Variants in SKI observed in about 807,000 individuals in gnomAD.
The protein encoded by SKI is ski oncogene.
In SKI, 23 loss-of-function variants were observed where a neutral mutation model predicts 59.3. That is an observed-to-expected ratio of 0.39 (90% CI 0.28 to 0.55). The LOEUF (loss-of-function observed/expected upper bound fraction) is 0.55, where lower values mean the gene tolerates loss of function less well. Among genes scored for constraint, SKI ranks in the 20% least tolerant of loss-of-function variants. SKI has a pLI of 0.67. For missense variants in SKI, 1,017 were observed against 1,038.9 expected, an observed-to-expected ratio of 0.98 and a Z score of 0.29; for synonymous variants, 673 against 488.6, an observed-to-expected ratio of 1.38 and a Z score of -4.98.
chr1:2,297,694 G>A (rs1003375896), intron 1 of SKI, among the ~76,000 whole-genome samples: 8 of 152,266 alleles, frequency 5.3e-5, no homozygotes, highest in Admixed American at 2.0e-4. Flanking sequence ...CTGCGAGGCA[G>A]CATCTGCGTC....
In SKI at chr1:2,229,853, C is replaced by T; in HGVS notation, c.969+118C>T. 2.0e-6 allele frequency: 3 copies of T among 1,505,696 alleles called. No homozygotes were observed. Among genetic ancestry groups the T allele is most frequent in the African/African-American group, 1.4e-5 (1 of 71,618 alleles). The allele number at this position is 1,505,696 out of a possible 1,614,324, so 93.3% of individuals were successfully genotyped here. ...TGTGCTTCTGCCGTGCCCCATGTCT[C>T]CAGTCTTCGCTTTGTTTTAGGGAAA... On this transcript the variant is annotated intron_variant, in intron 1 of 6. Transcript: ENST00000378536. The surrounding 1 kb of genome is among the most constrained non-coding windows in gnomAD (Gnocchi z 6.3).
chr1:2,231,883 C>A (rs1638647261), intron 1 of SKI, among the ~76,000 whole-genome samples: 1 of 152,246 alleles, frequency 6.6e-6, no homozygotes. Context: ...GGACTCTGCC[C>A]TCGCTCAGTG....
chr1:2,231,480 G>T (rs900025744), intron 1 of SKI, among the ~76,000 whole-genome samples: 1 of 152,162 alleles, frequency 6.6e-6, no homozygotes, highest in Non-Finnish European at 1.5e-5. Context: ...ACAGAGCAGG[G>T]CCCAGGCCAC....
At chr1:2,272,772 G>GC (rs931722681) in intron 1 of SKI, among the ~76,000 whole-genome samples, 2 of 152,178 alleles carry the variant, frequency 1.3e-5, no homozygotes, top group African/African-American at 4.8e-5. Flanking sequence ...CGTCTCCCCT[G>GC]CCCCGGCCTA....
intron 1 of SKI, among the ~76,000 whole-genome samples, chr1:2,279,610 CGA>C (rs1176916067): frequency 1.3e-5 from 2 of 151,090 alleles, no homozygotes; most frequent in Non-Finnish European, 3.0e-5. Context: ...GTGGGTGAGA[CGA>C]GGGAGGGCTG....
intron 1 of SKI, among the ~76,000 whole-genome samples, chr1:2,283,350 G>C (rs543793794): frequency 1.1e-4 from 11 of 102,678 alleles, no homozygotes; most frequent in African/African-American, 4.0e-4. Flanking sequence ...CAGAGCCTCA[G>C]GGGGGGGAGG....
chr1:2,265,794 C>T (rs140988776), intron 1 of SKI, among the ~76,000 whole-genome samples: 10,238 of 152,040 alleles, frequency 0.067, 407 homozygotes, highest in Middle Eastern at 0.15. Flanking sequence ...TGGAGAAACC[C>T]TGTCTCTACT....
rs1013814857 is a variant in SKI, at chr1:2,268,491, A to C, written c.970-34487A>C. 6.6e-6 allele frequency among the ~76,000 whole-genome samples: 1 copy of C among 152,060 alleles called. No homozygotes were observed. The highest frequency in any genetic ancestry group is 1.5e-5 in the Non-Finnish European group (1 of 67,988). ...GGGGGCTCATAAGCCACCTTGGGGT[A>C]TGTCTGGGTGCATGGGGACTCCTCT... On this transcript the variant is annotated intron_variant, in intron 1 of 6. Transcript: ENST00000378536. The surrounding 1 kb of genome is among the most constrained non-coding windows in gnomAD (Gnocchi z 5.0).
intron 1 of SKI, among the ~76,000 whole-genome samples, chr1:2,292,018 C>T (rs1308318532): frequency 6.6e-6 from 1 of 152,198 alleles, no homozygotes; most frequent in Non-Finnish European, 1.5e-5. Context: ...ATTAATGGCA[C>T]TTACAAAAAT....
chr1:2,284,067 C>T (rs1394397240), intron 1 of SKI, among the ~76,000 whole-genome samples: 1 of 152,172 alleles, frequency 6.6e-6, no homozygotes, highest in Non-Finnish European at 1.5e-5. Flanking sequence ...AGACCCTGTC[C>T]TCCGGGCCAT....
intron 1 of SKI, among the ~76,000 whole-genome samples, chr1:2,243,278 T>C (rs1375801424): frequency 6.6e-6 from 1 of 152,280 alleles, no homozygotes; most frequent in Non-Finnish European, 1.5e-5. Flanking sequence ...GACCATGTGC[T>C]GGCTGCACGA....
rs1161636505 is a variant in SKI, at chr1:2,306,788, G to A, written c.*23G>A. 5.4e-6 allele frequency: 8 copies of A among 1,475,698 alleles called. No individual in the cohort carries two copies. The Admixed American group carries it at 1.4e-4, about 26-fold the overall frequency. The allele number at this position is 1,475,698 out of a possible 1,614,324, so 91.4% of individuals were successfully genotyped here. A position where few individuals can be genotyped will look rare whatever the true frequency, so the allele number is the denominator to read the frequency against. On this transcript the variant is annotated 3_prime_UTR_variant, in exon 7 of 7. Transcript: ENST00000378536. ...TAGATTCCGTGCCTGCCGCCGCAGC[G>A]CCGCCGACAACGCGGGTGCAGGGGG...
intron 1 of SKI, among the ~76,000 whole-genome samples, chr1:2,266,693 C>G (rs1639507512): frequency 6.6e-6 from 1 of 152,174 alleles, no homozygotes; most frequent in African/African-American, 2.4e-5. Context: ...CCTGGCATCG[C>G]AGTCCATGAG....
intron 1 of SKI, among the ~76,000 whole-genome samples, chr1:2,283,312 G>C (rs1639954627): frequency 6.6e-6 from 1 of 152,212 alleles, no homozygotes; most frequent in African/African-American, 2.4e-5. Flanking sequence ...CCCAGGGCCT[G>C]TCCAGGTCCT....
chr1:2,271,527 G>C (rs1305852226), intron 1 of SKI, among the ~76,000 whole-genome samples: 1 of 152,196 alleles, frequency 6.6e-6, no homozygotes, highest in African/African-American at 2.4e-5. Context: ...GTTCCGCGGA[G>C]TGCCCGGCTG....
At chr1:2,252,619 G>A (rs192268301) in intron 1 of SKI, among the ~76,000 whole-genome samples, 45 of 152,312 alleles carry the variant, frequency 3.0e-4, no homozygotes, top group Non-Finnish European at 4.3e-4. Context: ...CCTTGCTCAC[G>A]GTCCTTTCTG....
chr1:2,272,844 C>G (rs964684881), intron 1 of SKI, among the ~76,000 whole-genome samples: 1 of 152,144 alleles, frequency 6.6e-6, no homozygotes, highest in Non-Finnish European at 1.5e-5. Flanking sequence ...CCCCCTCCCA[C>G]GCCCCGAGCC....
At chr1:2,288,035 C>G (rs1640081681) in intron 1 of SKI, among the ~76,000 whole-genome samples, 1 of 151,728 alleles carries the variant, frequency 6.6e-6, no homozygotes. Context: ...GTTGCCCAGG[C>G]TGGACTGCAA....
At chr1:2,292,900 C>G (rs1317160583) in intron 1 of SKI, among the ~76,000 whole-genome samples, 1 of 152,264 alleles carries the variant, frequency 6.6e-6, no homozygotes, top group Middle Eastern at 3.4e-3. Flanking sequence ...AGCCAAAGGC[C>G]GTGTCTCAGT....
Sources: allele counts gnomAD v4.1 joint callset (sites outside exome capture counted in the v4.1 genomes callset), GRCh38; gene constraint gnomAD v4.1.1; non-coding constraint Gnocchi (gnomAD v3.1); transcripts MANE v1.5; gene names NCBI Gene and HGNC (gene_info 2026-07-23, HGNC 2026-07-21).